Variants in PCDHA5 observed in about 807,000 individuals in gnomAD.
PCDHA5 encodes protocadherin alpha 5.
Under a neutral mutation model 61.6 loss-of-function variants are expected in PCDHA5, and 43 were observed. That is an observed-to-expected ratio of 0.70 (90% confidence interval 0.55 to 0.90). PCDHA5 has a LOEUF of 0.90. Ranked by LOEUF, PCDHA5 falls within the 40% of genes least tolerant of loss-of-function variation. PCDHA5 has a pLI of 0.00. For synonymous variants in PCDHA5, 627 were observed against 543.9 expected (o/e 1.15, Z -2.13); for missense variants, 1,298 against 1,222.7 (o/e 1.06, Z -0.92).
At chr5:140,965,061 G>A (rs76085486) in intron 1 of PCDHA5, among the ~76,000 whole-genome samples, 2,501 of 152,286 alleles carry the variant, frequency 0.016, 68 homozygotes, top group African/African-American at 0.056. Context: ...CATGCCAAAT[G>A]TCAGGTCTCA....
intron 1 of PCDHA5, chr5:140,968,696 A>G (rs1554230980): frequency 6.2e-7 from 1 of 1,614,134 alleles, no homozygotes; most frequent in Non-Finnish European, 8.5e-7. Context: ...AGAAATTAGG[A>G]CTACCAGGAA....
At chr5:140,877,959 T>C in intron 1 of PCDHA5, 2 of 1,325,332 alleles carry the variant, frequency 1.5e-6, no homozygotes, top group South Asian at 3.5e-5. Flanking sequence ...ATGTCTCATC[T>C]TTCTTGGTCA....
chr5:140,823,142 A>G lies in PCDHA5; in HGVS notation c.1367A>G (p.Gln456Arg). Residue 456 changes from glutamine to arginine, a missense_variant, in exon 1 of 4, where the codon CAG becomes CGG. Physicochemically the swap from Gln to Arg is conservative, Grantham distance 43. Coordinates refer to ENST00000529859, the MANE Select transcript of PCDHA5 (RefSeq NM_018908.3). Reference sequence around the variant, plus strand: ...AACGACAACGCTCCGGCGTTCGCGCAGCCCCAGTATACCGTGTTCGTGAAG... The same window carrying G: ...AACGACAACGCTCCGGCGTTCGCGCGGCCCCAGTATACCGTGTTCGTGAAG... ...DVNDNAPAFA[Q>R]PQYTVFVKEN... 6.2e-7 allele frequency: 1 copy of G among 1,613,792 alleles called. No homozygotes were observed. The highest frequency in any genetic ancestry group is 8.5e-7 in the Non-Finnish European group (1 of 1,179,914).
intron 1 of PCDHA5, among the ~76,000 whole-genome samples, chr5:140,909,441 C>A (rs971678951): frequency 2.6e-5 from 4 of 152,214 alleles, no homozygotes; most frequent in African/African-American, 9.7e-5. Flanking sequence ...AATCCACTGT[C>A]ATTCTCCAAG....
Position 140,968,215 on chromosome 5 carries a change from G to T in PCDHA5, c.2353-10734G>T, listed in dbSNP as rs782676713. The stretch of plus-strand genomic sequence containing the variant: ...CCATCTACATACAGGAGAACAATTT[G>T]CCAGGTGTGTTGCTCTGTACTGTGC... On this transcript the variant is annotated intron_variant, in intron 1 of 3. Transcript: ENST00000529859. 3.1e-6 allele frequency: 5 copies of T among 1,613,862 alleles called. No homozygotes were observed. In the East Asian group the frequency reaches 1.1e-4, roughly 36 times the overall value.
chr5:140,876,807 G>A (rs782408048), intron 1 of PCDHA5: 1 of 1,614,234 alleles, frequency 6.2e-7, no homozygotes, highest in South Asian at 1.1e-5. Context: ...CCGTGGAGGT[G>A]GCCGACGTGA....
chr5:140,835,790 G>T (rs1203887296), intron 1 of PCDHA5: 1 of 1,613,158 alleles, frequency 6.2e-7, no homozygotes, highest in South Asian at 1.1e-5. Flanking sequence ...AGAACAACCC[G>T]CCGGGCTGCC....
At chr5:140,842,943 G>A (rs2150348424) in intron 1 of PCDHA5, 4 of 1,594,646 alleles carry the variant, frequency 2.5e-6, no homozygotes, top group Non-Finnish European at 3.4e-6. Context: ...CGCGACGCGG[G>A]CGTGCCGCCT....
chr5:140,847,992 C>A lies in PCDHA5; in HGVS notation c.2352+23865C>A, dbSNP rs189573491. On this transcript the variant is annotated intron_variant, in intron 1 of 3. Transcript: ENST00000529859. ...CGAGCCATATGGGAGATTCTGAATTCCAGAACAAAAGAATTTTGTAATTTA... is the reference window on the plus strand; with the variant it reads ...CGAGCCATATGGGAGATTCTGAATTACAGAACAAAAGAATTTTGTAATTTA... 9.0e-4 allele frequency: 141 copies of A among 156,078 alleles called. 10 individuals are homozygous for A. The highest frequency in any genetic ancestry group is 1.5e-3 in the Non-Finnish European group (104 of 70,316). The allele number at this position is 156,078 out of a possible 1,614,324, so 9.7% of individuals were successfully genotyped here.
chr5:140,840,160 G>A (rs1039841732), intron 1 of PCDHA5, among the ~76,000 whole-genome samples: 17 of 152,042 alleles, frequency 1.1e-4, no homozygotes, highest in African/African-American at 3.9e-4. Context: ...AAGGAGAGAT[G>A]GGATGTATAC....
intron 1 of PCDHA5, among the ~76,000 whole-genome samples, chr5:140,951,082 CTTT>C (rs573059224): frequency 6.6e-6 from 1 of 151,404 alleles, no homozygotes; most frequent in African/African-American, 2.4e-5. Flanking sequence ...TTATATTTTC[CTTT>C]TTTTCTGATA....
chr5:140,821,638 A>AT lies in PCDHA5; in HGVS notation c.-138_-137insT. On this transcript the variant is annotated 5_prime_UTR_variant, in exon 1 of 4. The change creates a new upstream start codon in the 5' untranslated region. Transcript: ENST00000529859. ...AGATTTTCCTTAGACAGAAAGGAAAAGAACCTTCCATTTTTGGCTGTGCCA... is the reference window on the plus strand; with the variant it reads ...AGATTTTCCTTAGACAGAAAGGAAAATGAACCTTCCATTTTTGGCTGTGCCA... The AT allele has an allele frequency of 9.7e-7, 1 of 1,026,086 alleles. No homozygotes were observed. Among genetic ancestry groups the AT allele is most frequent in the Non-Finnish European group, 1.4e-6 (1 of 716,542 alleles). 63.6% of individuals were successfully genotyped at this position (1,026,086 alleles called of 1,614,324 possible).
intron 1 of PCDHA5, among the ~76,000 whole-genome samples, chr5:140,913,995 A>T (rs541070374): frequency 6.6e-6 from 1 of 152,288 alleles, no homozygotes; most frequent in Admixed American, 6.5e-5. Context: ...TGTGACTAGC[A>T]TATGGTCTAT....
chr5:140,954,209 T>C (rs2094996699), intron 1 of PCDHA5, among the ~76,000 whole-genome samples: 1 of 152,218 alleles, frequency 6.6e-6, no homozygotes, highest in Non-Finnish European at 1.5e-5. Context: ...GTTGATCCCA[T>C]GTTTTTGCTA....
chr5:141,001,435 A>G (rs1377491641), intron 3 of PCDHA5, among the ~76,000 whole-genome samples: 4 of 152,202 alleles, frequency 2.6e-5, no homozygotes, highest in African/African-American at 7.2e-5. Flanking sequence ...TTCCATGGAA[A>G]AGTCTTTCCA....
chr5:140,876,829 C>T (rs782699472), intron 1 of PCDHA5: 2 of 1,614,196 alleles, frequency 1.2e-6, no homozygotes, highest in Non-Finnish European at 1.7e-6. Context: ...CGACAATGCG[C>T]CTGCGTTCGC....
In PCDHA5 at chr5:140,982,463, G is replaced by A. The variant is rs781833977; in HGVS notation, c.2412-12G>A. 1 of 1,614,060 alleles carries A rather than the reference G, an allele frequency of 6.2e-7. No individual in the cohort carries two copies. The highest frequency in any genetic ancestry group is 1.3e-5 in the African/African-American group (1 of 74,928). On this transcript the variant is annotated splice_polypyrimidine_tract_variant and intron_variant, in intron 2 of 3. Coordinates refer to ENST00000529859, the MANE Select transcript of PCDHA5 (RefSeq NM_018908.3). ...TGATCTAACCGTTATCTGGGTCTGT[G>A]TGTTTATTCAGCTCTGTGCACCTAG...
At chr5:140,972,754 CCCAAG>C (rs1290105832) in intron 1 of PCDHA5, among the ~76,000 whole-genome samples, 1 of 151,316 alleles carries the variant, frequency 6.6e-6, no homozygotes, top group African/African-American at 2.4e-5. Context: ...ACCTCCGCCT[CCCAAG>C]TTAAAGTGAT....
chr5:140,898,040 GT>G (rs1301370622), intron 1 of PCDHA5, among the ~76,000 whole-genome samples: 7 of 151,970 alleles, frequency 4.6e-5, no homozygotes, highest in Non-Finnish European at 8.8e-5. Flanking sequence ...GGGGTTGTTT[GT>G]TTTTTTCTTG....
Sources: allele counts gnomAD v4.1 joint callset (sites outside exome capture counted in the v4.1 genomes callset), GRCh38; gene constraint gnomAD v4.1.1; transcripts MANE v1.5; gene names NCBI Gene and HGNC (gene_info 2026-07-23, HGNC 2026-07-21).